LRP1B: variants seen among roughly 807,000 people sequenced by gnomAD.
LRP1B encodes the protein low-density lipoprotein receptor-related protein 1B.
In LRP1B, 217 loss-of-function variants were observed where a neutral mutation model predicts 556.6. The observed-to-expected ratio is 0.39, with a 90% confidence interval of 0.35 to 0.44. LRP1B has a LOEUF of 0.44. LRP1B is among the 20% of genes least tolerant of loss of function. LRP1B has a pLI of 1.00. For synonymous variants in LRP1B, 2,047 were observed against 1,865.8 expected, an observed-to-expected ratio of 1.10 and a Z score of -2.50; for missense variants, 5,053 against 5,620.8, an observed-to-expected ratio of 0.90 and a Z score of 3.23.
At chr2:140,310,527 A>G (rs953900860) in intron 83 of LRP1B, among the ~76,000 whole-genome samples, 1 of 151,852 alleles carries the variant, frequency 6.6e-6, no homozygotes, top group Non-Finnish European at 1.5e-5. Flanking sequence ...CCAAAAGAGC[A>G]TGGTTCTGGT....
intron 1 of LRP1B, among the ~76,000 whole-genome samples, chr2:141,974,339 A>T (rs192112798): frequency 6.6e-6 from 1 of 152,070 alleles, no homozygotes; most frequent in Non-Finnish European, 1.5e-5. Flanking sequence ...AGAACGGTTA[A>T]CTCCTCATAC....
At chr2:140,396,299 A>G (rs1013391796) in intron 66 of LRP1B, among the ~76,000 whole-genome samples, 3 of 152,216 alleles carry the variant, frequency 2.0e-5, no homozygotes, top group Non-Finnish European at 4.4e-5. Context: ...AAAGCAAAGT[A>G]AATACATTAA....
At chr2:141,513,122 A>C (rs2105156369) in intron 2 of LRP1B, among the ~76,000 whole-genome samples, 1 of 152,234 alleles carries the variant, frequency 6.6e-6, no homozygotes, top group African/African-American at 2.4e-5. Flanking sequence ...ATCCTTGATA[A>C]ATGTGTTTTC....
chr2:140,359,967 C>G (rs986420684), intron 72 of LRP1B, among the ~76,000 whole-genome samples: 9 of 151,544 alleles, frequency 5.9e-5, no homozygotes, highest in African/African-American at 2.2e-4. Context: ...GCTATTGTCC[C>G]CAGGTTTGGC....
rs148814206 is a variant in LRP1B, at chr2:142,057,494, C to T, written c.82+73154G>A. On this transcript the variant is annotated intron_variant, in intron 1 of 90. Coordinates refer to ENST00000389484, the MANE Select transcript of LRP1B (RefSeq NM_018557.3). ...ATCAAAGTCTAGTGATACAGAATGC[C>T]GCTGGGGAAAAAATAGAGAACAGTG... Among the ~76,000 whole-genome samples, 64 of 152,122 alleles carry T rather than the reference C, an allele frequency of 4.2e-4. No homozygotes were observed. In the East Asian group the frequency reaches 0.011, roughly 27 times the overall value.
At chr2:140,759,181 A>T (rs557632506) in intron 35 of LRP1B, among the ~76,000 whole-genome samples, 308 of 151,246 alleles carry the variant, frequency 2.0e-3, no homozygotes, top group African/African-American at 6.7e-3. Context: ...ATTTTTTTTT[A>T]AAAAATAGCC....
At chr2:141,134,362 C>T (rs1470374269) in intron 7 of LRP1B, among the ~76,000 whole-genome samples, 1 of 151,770 alleles carries the variant, frequency 6.6e-6, no homozygotes, top group African/African-American at 2.4e-5. Flanking sequence ...ATTACATCTC[C>T]CACAAGATAA....
At chr2:140,795,313 C>G (rs1397586089) in intron 32 of LRP1B, among the ~76,000 whole-genome samples, 2 of 152,078 alleles carry the variant, frequency 1.3e-5, no homozygotes, top group Admixed American at 6.6e-5. Flanking sequence ...CATTGGCCTT[C>G]TGAGTACTGT....
chr2:141,718,029 G>C (rs1044431710), intron 2 of LRP1B, among the ~76,000 whole-genome samples: 1 of 152,158 alleles, frequency 6.6e-6, no homozygotes, highest in African/African-American at 2.4e-5. Context: ...TGTGGCCATG[G>C]CTAAAATGTT....
chr2:142,129,442 G>A (rs1044037375), intron 1 of LRP1B, among the ~76,000 whole-genome samples: 3 of 152,176 alleles, frequency 2.0e-5, no homozygotes, highest in African/African-American at 7.2e-5. Flanking sequence ...AAACACTGCA[G>A]TTCATTCCCC....
intron 2 of LRP1B, among the ~76,000 whole-genome samples, chr2:141,618,534 T>C (rs765492274): frequency 6.6e-6 from 1 of 152,084 alleles, no homozygotes; most frequent in Non-Finnish European, 1.5e-5. Flanking sequence ...TTGAGAAAAA[T>C]AAAAACTAAG....
intron 1 of LRP1B, among the ~76,000 whole-genome samples, chr2:141,823,099 C>CTTTCCCCATCTCTCTTGG (rs1696807942): frequency 6.6e-6 from 1 of 152,126 alleles, no homozygotes; most frequent in African/African-American, 2.4e-5. Context: ...TGTATGCTTG[C>CTTTCCCCATCTCTCTTGG]TTTCCCCATC....
chr2:140,750,769 A>T (rs1053681655), intron 35 of LRP1B, among the ~76,000 whole-genome samples: 9 of 152,134 alleles, frequency 5.9e-5, no homozygotes, highest in Admixed American at 4.6e-4. Flanking sequence ...CATGACACAA[A>T]CATGACAGGT....
chr2:141,051,323 C>A (rs544499681), intron 10 of LRP1B, among the ~76,000 whole-genome samples: 21 of 152,140 alleles, frequency 1.4e-4, no homozygotes, highest in Middle Eastern at 3.4e-3. Context: ...AAGATACATG[C>A]ACATGTATGC....
intron 11 of LRP1B, among the ~76,000 whole-genome samples, chr2:141,047,987 A>C (rs1004743985): frequency 6.6e-6 from 1 of 152,104 alleles, no homozygotes; most frequent in African/African-American, 2.4e-5. Context: ...ATATTTCTTC[A>C]AGACAGCTTT....
At chr2:141,069,320 G>A (rs1699570109) in intron 7 of LRP1B, among the ~76,000 whole-genome samples, 2 of 152,076 alleles carry the variant, frequency 1.3e-5, no homozygotes, top group South Asian at 2.1e-4. Flanking sequence ...TGAAAGTGGA[G>A]CACTAAAAAT....
chr2:142,005,680 T>C (rs1368035964), intron 1 of LRP1B, among the ~76,000 whole-genome samples: 7 of 152,142 alleles, frequency 4.6e-5, no homozygotes, highest in Non-Finnish European at 7.4e-5. Flanking sequence ...TATATTCATT[T>C]TCTTTATTAA....
chr2:141,369,905 T>G (rs1483498568), intron 3 of LRP1B, among the ~76,000 whole-genome samples: 1 of 152,218 alleles, frequency 6.6e-6, no homozygotes, highest in Non-Finnish European at 1.5e-5. Flanking sequence ...TGACTTGCTG[T>G]GTCTGAGTTA....
chr2:140,806,421 A>G (rs376350252), intron 32 of LRP1B, among the ~76,000 whole-genome samples: 11 of 152,198 alleles, frequency 7.2e-5, no homozygotes, highest in East Asian at 1.9e-4. Flanking sequence ...CAACACAACA[A>G]CAAAAAGCAT....
Sources: allele counts gnomAD v4.1 joint callset (sites outside exome capture counted in the v4.1 genomes callset), GRCh38; gene constraint gnomAD v4.1.1; transcripts MANE v1.5; gene names NCBI Gene and HGNC (gene_info 2026-07-23, HGNC 2026-07-21).